The following MAGI1 variants were observed in gnomAD, a reference collection of about 807,000 sequenced individuals.
MAGI1 encodes the protein membrane-associated guanylate kinase, WW and PDZ domain-containing protein 1.
A neutral mutation model predicts 139.9 loss-of-function variants in MAGI1; 58 were observed. The ratio of observed to expected loss-of-function variants is 0.41; its 90% CI spans 0.34 to 0.52. The LOEUF is 0.52. Among genes scored for constraint, MAGI1 ranks in the 20% least tolerant of loss-of-function variants. The pLI, the probability that MAGI1 is intolerant of heterozygous loss-of-function variation, is 0.12. For missense variants in MAGI1, 1,874 were observed against 1,901.6 expected (o/e 0.99, Z 0.27); for synonymous variants, 812 against 737.9 (o/e 1.10, Z -1.63).
intron 2 of MAGI1, among the ~76,000 whole-genome samples, chr3:65,591,723 C>A (rs1399830667): frequency 3.3e-5 from 5 of 152,188 alleles, no homozygotes; most frequent in African/African-American, 1.2e-4. Context: ...CCCTTGTTCA[C>A]TCTATTTCTG....
intron 1 of MAGI1, among the ~76,000 whole-genome samples, chr3:65,635,336 T>C (rs60039930): frequency 0.053 from 7,996 of 152,256 alleles, 431 homozygotes; most frequent in African/African-American, 0.13. Flanking sequence ...GTGCTGGGAT[T>C]ACAGGTGTGA....
chr3:66,021,765 G>C (rs2107553389), intron 1 of MAGI1, among the ~76,000 whole-genome samples: 1 of 152,270 alleles, frequency 6.6e-6, no homozygotes, highest in East Asian at 1.9e-4. Flanking sequence ...ACTCTTTGGA[G>C]GTGGAGTATC....
At chr3:65,819,802 AG>A (rs1184431873) in intron 1 of MAGI1, among the ~76,000 whole-genome samples, 1 of 139,826 alleles carries the variant, frequency 7.2e-6, no homozygotes, top group Non-Finnish European at 1.5e-5. Context: ...GCTTGAACCC[AG>A]GAGGCAGAGG....
intron 2 of MAGI1, among the ~76,000 whole-genome samples, chr3:65,594,621 C>G (rs2082103010): frequency 6.6e-6 from 1 of 152,098 alleles, no homozygotes; most frequent in South Asian, 2.1e-4. Context: ...GTCAGTATGA[C>G]TGCGAGGGAT....
intron 12 of MAGI1, among the ~76,000 whole-genome samples, chr3:65,415,017 A>T (rs1331572948): frequency 1.5e-5 from 1 of 67,838 alleles, no homozygotes; most frequent in African/African-American, 3.8e-5. Context: ...AAAAAAAAAA[A>T]AACAAAAAAA....
chr3:65,618,757 T>C (rs953302060), intron 2 of MAGI1, among the ~76,000 whole-genome samples: 4 of 152,176 alleles, frequency 2.6e-5, no homozygotes, highest in Admixed American at 1.3e-4. Context: ...CCTTATAGGA[T>C]TGCTATGTGT....
chr3:65,423,568 T>C (rs112394453), intron 12 of MAGI1, among the ~76,000 whole-genome samples: 6 of 152,366 alleles, frequency 3.9e-5, no homozygotes, highest in South Asian at 2.1e-4. Flanking sequence ...TCTTTATGCA[T>C]AAGATATAGT....
chr3:65,420,331 T>C (rs1283656052), intron 12 of MAGI1, among the ~76,000 whole-genome samples: 1 of 152,042 alleles, frequency 6.6e-6, no homozygotes, highest in Non-Finnish European at 1.5e-5. Flanking sequence ...CCTGCTGGAA[T>C]ACCGTTTCCT....
At chr3:65,549,520 G>A in intron 2 of MAGI1, 13 of 982,742 alleles carry the variant, frequency 1.3e-5, no homozygotes, top group Non-Finnish European at 1.6e-5. Flanking sequence ...GGCGGCAGCT[G>A]CTCCTTTTAT....
intron 2 of MAGI1, among the ~76,000 whole-genome samples, chr3:65,609,189 C>T (rs1003155842): frequency 1.3e-5 from 2 of 152,058 alleles, no homozygotes; most frequent in African/African-American, 4.8e-5. Context: ...GTGCGTGGTG[C>T]ATGTGTGTGC....
At chr3:65,999,693 T>G (rs1008652931) in intron 1 of MAGI1, among the ~76,000 whole-genome samples, 4 of 152,166 alleles carry the variant, frequency 2.6e-5, no homozygotes, top group Non-Finnish European at 4.4e-5. Context: ...TAAGTTCCCT[T>G]TTAAGCCACA....
chr3:65,621,871 G>A, intron 2 of MAGI1, 101 bp downstream of exon 2: 2 of 768,956 alleles, frequency 2.6e-6, no homozygotes, highest in Non-Finnish European at 4.3e-6. Context: ...CAACCACCAG[G>A]TGTTCCAGAA....
chr3:65,684,735 T>TGA (rs2087875664), intron 1 of MAGI1, among the ~76,000 whole-genome samples: 1 of 152,078 alleles, frequency 6.6e-6, no homozygotes. Flanking sequence ...AGAGTCCTCC[T>TGA]CTGTCACCCT....
chr3:65,881,571 G>A (rs921492163), intron 1 of MAGI1, among the ~76,000 whole-genome samples: 42 of 151,846 alleles, frequency 2.8e-4, no homozygotes, highest in Middle Eastern at 3.4e-3. Flanking sequence ...AGGCTGTAGT[G>A]AGCCATGATC....
At position 66,038,194 on chromosome 3, in the gene MAGI1, C is replaced by G; in HGVS notation, c.115G>C (p.Gly39Arg). The change falls in exon 1 of 23, where the codon GGG becomes CGG. Residue 39 changes from glycine (G) to arginine (R), a missense_variant. By Grantham distance (125) the Gly-to-Arg change is moderately radical (BLOSUM62 -2). Coordinates refer to ENST00000402939, the MANE Select transcript of MAGI1 (RefSeq NM_001033057.2). Reference protein sequence around the residue: ...GVTVLGGAEHGEFPYVGAVAA... With the variant: ...GVTVLGGAEHREFPYVGAVAA... Reference sequence around the variant, plus strand: ...ACCGCTCCGACGTACGGAAACTCCCCGTGCTCCGCGCCTCCCAGCACCGTC... The same window carrying G: ...ACCGCTCCGACGTACGGAAACTCCCGGTGCTCCGCGCCTCCCAGCACCGTC... The G allele has an allele frequency of 1.2e-6, 2 of 1,612,262 alleles. No homozygotes were observed. Among genetic ancestry groups the G allele is most frequent in the Non-Finnish European group, 1.7e-6 (2 of 1,179,730 alleles).
At chr3:65,471,842 G>A (rs1279309816) in intron 4 of MAGI1, among the ~76,000 whole-genome samples, 1 of 152,196 alleles carries the variant, frequency 6.6e-6, no homozygotes, top group Non-Finnish European at 1.5e-5. Flanking sequence ...GGTCGCTTGA[G>A]GCTGGAGCCT....
intron 1 of MAGI1, among the ~76,000 whole-genome samples, chr3:65,757,418 G>A (rs971999175): frequency 6.6e-6 from 1 of 152,210 alleles, no homozygotes; most frequent in Non-Finnish European, 1.5e-5. Flanking sequence ...GCTGAGGCAA[G>A]TGGATCACCT....
At chr3:65,735,411 G>A (rs2034638637) in intron 1 of MAGI1, among the ~76,000 whole-genome samples, 1 of 138,396 alleles carries the variant, frequency 7.2e-6, no homozygotes, top group Admixed American at 7.4e-5. Context: ...AAATATTGGA[G>A]GTGATTCCTA....
intron 1 of MAGI1, among the ~76,000 whole-genome samples, chr3:65,776,476 C>G (rs2038442024): frequency 6.6e-6 from 1 of 152,076 alleles, no homozygotes; most frequent in African/African-American, 2.4e-5. Flanking sequence ...GAGATCTTGT[C>G]AAATATATTA....
Sources: gnomAD v4.1 joint callset for allele counts (sites outside exome capture counted in the v4.1 genomes callset) on GRCh38, gnomAD v4.1.1 for gene constraint, MANE v1.5 for transcripts, NCBI Gene and HGNC (gene_info 2026-07-23, HGNC 2026-07-21) for gene names.